ERP44: variants seen among roughly 807,000 people sequenced by gnomAD.
ERP44 encodes endoplasmic reticulum resident protein 44.
Under a neutral mutation model 53.4 loss-of-function variants are expected in ERP44, and 25 were observed. The observed-to-expected ratio is 0.47, with a 90% CI of 0.34 to 0.65. ERP44 has a LOEUF of 0.65. ERP44 is among the 30% of genes least tolerant of loss of function. The probability of loss-of-function intolerance (pLI) is 0.01; values close to 1 mark genes in which losing one functional copy is unlikely to be tolerated. For missense variants in ERP44, 338 were observed against 493.2 expected (o/e 0.69, Z 2.98); for synonymous variants, 145 against 161.2 (o/e 0.90, Z 0.76).
At chr9:100,075,569 G>A (rs1247591684) in intron 1 of ERP44, among the ~76,000 whole-genome samples, 1 of 152,134 alleles carries the variant, frequency 6.6e-6, no homozygotes, top group Non-Finnish European at 1.5e-5. Flanking sequence ...GCAGACACAC[G>A]GGACTTCTTG....
At chr9:100,072,905 T>C (rs921806782) in intron 1 of ERP44, among the ~76,000 whole-genome samples, 1 of 152,226 alleles carries the variant, frequency 6.6e-6, no homozygotes, top group African/African-American at 2.4e-5. Context: ...CCTTCAAACG[T>C]TGAATCCTTC....
chr9:100,080,635 G>A (rs1826412145), intron 1 of ERP44, among the ~76,000 whole-genome samples: 1 of 152,136 alleles, frequency 6.6e-6, no homozygotes, highest in South Asian at 2.1e-4. Context: ...TTTACAGACA[G>A]GGCCAAAAAA....
intron 8 of ERP44, among the ~76,000 whole-genome samples, chr9:100,008,974 C>T (rs1830446002): frequency 6.6e-6 from 1 of 152,078 alleles, no homozygotes; most frequent in Non-Finnish European, 1.5e-5. Context: ...AACTCCTGGG[C>T]TCAAGCAATC....
chr9:100,015,453 A>C (rs1252777121), intron 8 of ERP44, among the ~76,000 whole-genome samples: 4 of 152,184 alleles, frequency 2.6e-5, no homozygotes, highest in Non-Finnish European at 5.9e-5. Context: ...CCAGCCTCTT[A>C]GGTTTTTAAG....
At chr9:100,019,801 A>C (rs1174020054) in intron 6 of ERP44, among the ~76,000 whole-genome samples, 2 of 152,186 alleles carry the variant, frequency 1.3e-5, no homozygotes, top group Non-Finnish European at 2.9e-5. Flanking sequence ...AAAAGGAGTA[A>C]GATGTTTAAA....
intron 4 of ERP44, among the ~76,000 whole-genome samples, chr9:100,023,730 C>A (rs902358394): frequency 1.3e-5 from 2 of 152,054 alleles, no homozygotes; most frequent in African/African-American, 4.8e-5. Flanking sequence ...CAGTTGTGAG[C>A]CACTGTGCCT....
chr9:100,060,573 T>C (rs192918520), intron 1 of ERP44, among the ~76,000 whole-genome samples: 65 of 152,348 alleles, frequency 4.3e-4, no homozygotes, highest in African/African-American at 1.4e-3. Context: ...CTGCCATGTT[T>C]CTAAGACAGA....
chr9:100,094,785 G>C (rs1406992304), intron 1 of ERP44, among the ~76,000 whole-genome samples: 2 of 148,980 alleles, frequency 1.3e-5, no homozygotes, highest in African/African-American at 4.9e-5. Flanking sequence ...AATATAGTGA[G>C]ACCCTTGTCT....
intron 1 of ERP44, among the ~76,000 whole-genome samples, chr9:100,091,064 A>G (rs899916560): frequency 6.6e-6 from 1 of 152,188 alleles, no homozygotes; most frequent in African/African-American, 2.4e-5. Flanking sequence ...TAGCTCAAAT[A>G]CTACTACAAT....
intron 4 of ERP44, among the ~76,000 whole-genome samples, chr9:100,040,987 T>A (rs1825894377): frequency 6.6e-6 from 1 of 151,918 alleles, no homozygotes; most frequent in Admixed American, 6.6e-5. Flanking sequence ...AAAACATCGA[T>A]GGAAGAAACT....
intron 4 of ERP44, among the ~76,000 whole-genome samples, chr9:100,033,454 C>T (rs77271713): frequency 0.013 from 1,972 of 152,306 alleles, 33 homozygotes; most frequent in African/African-American, 0.046. Flanking sequence ...TTTGAGGATA[C>T]AAACCCATGG....
intron 1 of ERP44, among the ~76,000 whole-genome samples, chr9:100,063,562 C>T (rs748703064): frequency 6.6e-6 from 1 of 151,984 alleles, no homozygotes; most frequent in Non-Finnish European, 1.5e-5. Flanking sequence ...TGACTCCAGA[C>T]CATAAAGCTT....
At chr9:100,093,834 C>T (rs764635230) in intron 1 of ERP44, among the ~76,000 whole-genome samples, 13 of 152,142 alleles carry the variant, frequency 8.5e-5, no homozygotes, top group Non-Finnish European at 1.6e-4. Flanking sequence ...CATTGAGATA[C>T]CATTTCTCAC....
At position 100,087,746 on chromosome 9, in the gene ERP44, C is replaced by T. The variant is rs561974516; in HGVS notation, c.57+11038G>A. 2.0e-5 allele frequency among the ~76,000 whole-genome samples: 3 copies of T among 152,188 alleles called. No homozygotes were observed. The South Asian group carries it at 6.2e-4, about 32-fold the overall frequency. ...TCTTTTCTTTCTATATTTCTATGAA[C>T]CAGAAGTCTACCACTCTACATCAGG... On this transcript the variant is annotated intron_variant, in intron 1 of 11. Coordinates refer to ENST00000262455, the MANE Select transcript of ERP44 (RefSeq NM_015051.3).
intron 10 of ERP44, among the ~76,000 whole-genome samples, chr9:99,992,958 G>A (rs1830271126): frequency 6.6e-6 from 1 of 152,284 alleles, no homozygotes; most frequent in East Asian, 1.9e-4. Context: ...ATTTACAAGG[G>A]ATGTGAAGGA....
intron 1 of ERP44, among the ~76,000 whole-genome samples, chr9:100,072,552 T>C (rs1826317668): frequency 6.6e-6 from 1 of 152,130 alleles, no homozygotes; most frequent in African/African-American, 2.4e-5. Flanking sequence ...GATAGAGTTT[T>C]GCTCTTGTTG....
chr9:100,098,920 G>C lies in ERP44; in HGVS notation c.-80C>G. 8.6e-7 allele frequency: 1 copy of C among 1,163,586 alleles called. No individual in the cohort carries two copies. Among genetic ancestry groups the C allele is most frequent in the Non-Finnish European group, 1.3e-6 (1 of 790,266 alleles). The allele number at this position is 1,163,586 out of a possible 1,614,324, so 72.1% of individuals were successfully genotyped here. A position where few individuals can be genotyped will look rare whatever the true frequency, so the allele number is the denominator to read the frequency against. The stretch of plus-strand genomic sequence containing the variant: ...GTTGGGTTGGGTTAGGAAAGGGCTG[G>C]GCTCCGGGAGCCGACGGCAGCGGAG... On this transcript the variant is annotated 5_prime_UTR_variant, in exon 1 of 12. Transcript: ENST00000262455.
At chr9:100,021,663 A>G (rs1564091583) in intron 5 of ERP44, among the ~76,000 whole-genome samples, 2 of 152,216 alleles carry the variant, frequency 1.3e-5, no homozygotes, top group African/African-American at 4.8e-5. Flanking sequence ...ATTTAAGAGG[A>G]CATTAAAACT....
intron 8 of ERP44, among the ~76,000 whole-genome samples, chr9:100,014,592 G>A (rs1216879856): frequency 6.6e-6 from 1 of 152,130 alleles, no homozygotes; most frequent in Non-Finnish European, 1.5e-5. Context: ...CAAGGCCCTG[G>A]TCTTTACATT....
Sources: allele counts gnomAD v4.1 joint callset (sites outside exome capture counted in the v4.1 genomes callset), GRCh38; gene constraint gnomAD v4.1.1; transcripts MANE v1.5; gene names NCBI Gene and HGNC (gene_info 2026-07-23, HGNC 2026-07-21).